The following GINS2 variants were observed in gnomAD, a reference collection of about 807,000 sequenced individuals.
The protein encoded by GINS2 is GINS complex subunit 2, also known as DNA replication complex GINS protein PSF2.
In GINS2, 23 loss-of-function variants were observed where a neutral mutation model predicts 21.2. The observed-to-expected ratio is 1.08, with a 90% CI of 0.78 to 1.53. The LOEUF (loss-of-function observed/expected upper bound fraction) is 1.53, where lower values mean the gene tolerates loss of function less well. GINS2 is among the 40% of genes most tolerant of loss of function. The pLI, the probability that GINS2 is intolerant of heterozygous loss-of-function variation, is 0.00. For missense variants in GINS2, 323 were observed against 233.9 expected (o/e 1.38, Z -2.49); for synonymous variants, 118 against 85.6 (o/e 1.38, Z -2.09).
chr16:85,684,837 G>T (rs2053761495), intron 2 of GINS2, among the ~76,000 whole-genome samples: 1 of 151,520 alleles, frequency 6.6e-6, no homozygotes, highest in Non-Finnish European at 1.5e-5. Flanking sequence ...TCCCAGGCTG[G>T]AGTACAGTGG....
intron 3 of GINS2, 150 bp from the exon 4 acceptor site, chr16:85,678,816 T>A (rs2053708621): frequency 1.3e-6 from 1 of 742,530 alleles, no homozygotes; most frequent in Non-Finnish European, 2.2e-6. Context: ...GTGTAAAGAT[T>A]TGTAGCAGTT....
At position 85,676,302 on chromosome 16, in the gene GINS2, G is replaced by C. The variant is rs917207284; in HGVS notation, c.*1910C>G. 3.3e-5 allele frequency: 5 copies of C among 152,228 alleles called. No homozygotes were observed. Among genetic ancestry groups the C allele is most frequent in the African/African-American group, 4.8e-5 (2 of 41,430 alleles). 9.4% of individuals were successfully genotyped at this position (152,228 alleles called of 1,614,324 possible). On this transcript the variant is annotated 3_prime_UTR_variant, in exon 5 of 5. Transcript: ENST00000253462. ...GACGGAGCTGCCTCCACTGGCTCAG[G>C]CTCTAAGAGGAGGGCATTAGGACCC...
intron 3 of GINS2, among the ~76,000 whole-genome samples, chr16:85,680,554 C>G (rs1252363734): frequency 6.6e-6 from 1 of 152,076 alleles, no homozygotes; most frequent in East Asian, 1.9e-4. Flanking sequence ...AGGCATCTCA[C>G]TGGGGACATA....
In GINS2 at chr16:85,681,692, G is replaced by T. The variant is rs766620022; in HGVS notation, c.206-11C>A. The T allele has an allele frequency of 9.2e-6, 14 of 1,513,950 alleles. No individual in the cohort carries two copies. In the East Asian group the frequency reaches 2.7e-4, roughly 29 times the overall value. The allele number at this position is 1,513,950 out of a possible 1,614,324, so 93.8% of individuals were successfully genotyped here. A position where few individuals can be genotyped will look rare whatever the true frequency, so the allele number is the denominator to read the frequency against. On this transcript the variant is annotated splice_polypyrimidine_tract_variant and intron_variant, in intron 2 of 4. Transcript: ENST00000253462. ...TCTTCTCCAACTTTTCTGAAATTTA[G>T]AAGTTAATACATTTTACCATCATTA... is the stretch of plus-strand genomic sequence containing the variant.
intron 2 of GINS2, among the ~76,000 whole-genome samples, chr16:85,686,771 T>A (rs1295711450): frequency 3.9e-5 from 6 of 152,232 alleles, no homozygotes; most frequent in African/African-American, 1.2e-4. Flanking sequence ...ATTCCATTCC[T>A]TTTTATAGCT....
chr16:85,678,675 G>A lies in GINS2; in HGVS notation c.306-9C>T, dbSNP rs763991266. The A allele has an allele frequency of 2.5e-6, 4 of 1,612,822 alleles. No homozygotes were observed. The highest frequency in any genetic ancestry group is 1.7e-5 in the Admixed American group (1 of 59,932). On this transcript the variant is annotated splice_polypyrimidine_tract_variant and intron_variant, in intron 3 of 4. Transcript: ENST00000253462. ...GGATGTTGTCTGAAGCACTAAAGGAGCAAGGGCTAAAGTCAGTCGGGGAAC... is the reference window on the plus strand; with the variant it reads ...GGATGTTGTCTGAAGCACTAAAGGAACAAGGGCTAAAGTCAGTCGGGGAAC...
At chr16:85,682,864 C>T (rs959267700) in intron 2 of GINS2, among the ~76,000 whole-genome samples, 1 of 152,116 alleles carries the variant, frequency 6.6e-6, no homozygotes. Flanking sequence ...ACTACCCATC[C>T]CCAGGGCCCT....
At chr16:85,681,459 G>A (rs1236121970) in intron 3 of GINS2, 123 bp downstream of exon 3, 1 of 634,616 alleles carries the variant, frequency 1.6e-6, no homozygotes, top group African/African-American at 1.9e-5. Flanking sequence ...GAGAAACAGG[G>A]CGGCCAGTGT....
At chr16:85,679,511 C>A (rs1255264608) in intron 3 of GINS2, among the ~76,000 whole-genome samples, 1 of 152,202 alleles carries the variant, frequency 6.6e-6, no homozygotes, top group African/African-American at 2.4e-5. Context: ...ACCACTGGTA[C>A]AAAATTTATG....
chr16:85,685,824 C>G (rs137965519), intron 2 of GINS2, among the ~76,000 whole-genome samples: 95 of 151,894 alleles, frequency 6.3e-4, no homozygotes, highest in Middle Eastern at 6.8e-3. Context: ...GTGGCTGGCT[C>G]AATGAGCTCT....
intron 2 of GINS2, among the ~76,000 whole-genome samples, chr16:85,681,982 C>A (rs933797307): frequency 9.2e-5 from 9 of 97,696 alleles, no homozygotes; most frequent in Admixed American, 9.0e-4. Context: ...TGTTTTTTTT[C>A]TTTTTTAGGG....
At chr16:85,685,784 C>G (rs1241293496) in intron 2 of GINS2, among the ~76,000 whole-genome samples, 1 of 151,436 alleles carries the variant, frequency 6.6e-6, no homozygotes, top group African/African-American at 2.4e-5. Flanking sequence ...GGGGAAGACA[C>G]TAAGCAGTCT....
chr16:85,685,945 G>T (rs1598762782), intron 2 of GINS2, among the ~76,000 whole-genome samples: 1 of 151,338 alleles, frequency 6.6e-6, no homozygotes, highest in East Asian at 1.9e-4. Flanking sequence ...AATCACTCAG[G>T]GTCTTTTCAA....
intron 2 of GINS2, among the ~76,000 whole-genome samples, chr16:85,684,266 G>A (rs1013022132): frequency 6.6e-6 from 1 of 152,166 alleles, no homozygotes; most frequent in Non-Finnish European, 1.5e-5. Context: ...CCCAGGAGGT[G>A]GAGGTTGCAG....
intron 2 of GINS2, among the ~76,000 whole-genome samples, chr16:85,683,708 C>CCTA (rs2053752564): frequency 6.6e-6 from 1 of 152,266 alleles, no homozygotes; most frequent in African/African-American, 2.4e-5. Flanking sequence ...ACTCTCAGTG[C>CCTA]TTGCCTGGAT....
intron 3 of GINS2, 48 bp downstream of exon 3, chr16:85,681,534 G>T: frequency 9.2e-7 from 1 of 1,090,940 alleles, no homozygotes; most frequent in Non-Finnish European, 1.4e-6. Flanking sequence ...GGAAGGGCAT[G>T]GCGAGTCCAG....
rs531363824 is a variant in GINS2, at chr16:85,680,004, G to A, written c.306-1338C>T. On this transcript the variant is annotated intron_variant, in intron 3 of 4. Transcript: ENST00000253462. ...CTGCCTCACTGCCCTCTCCCCTACC[G>A]TCCACCTCCTACAAGTCTGCACTCC... 4.6e-5 allele frequency among the ~76,000 whole-genome samples: 7 copies of A among 152,108 alleles called. No homozygotes were observed. In the East Asian group the frequency reaches 9.7e-4, roughly 21 times the overall value.
At chr16:85,684,282 C>T (rs2053757532) in intron 2 of GINS2, among the ~76,000 whole-genome samples, 1 of 151,716 alleles carries the variant, frequency 6.6e-6, no homozygotes, top group Non-Finnish European at 1.5e-5. Context: ...TGCAGTGAGC[C>T]ATGATCACGC....
chr16:85,688,790 C>A lies in GINS2; in HGVS notation c.90+19G>T, dbSNP rs1377872029. The A allele has an allele frequency of 6.8e-7, 1 of 1,467,036 alleles. No individual in the cohort carries two copies. The highest frequency in any genetic ancestry group is 1.3e-5 in the South Asian group (1 of 77,774). 90.9% of individuals were successfully genotyped at this position (1,467,036 alleles called of 1,614,324 possible). On this transcript the variant is annotated intron_variant, in intron 1 of 4. Transcript: ENST00000253462. ...CGCCCAGCCCGGCCTCCCCTCCCCACGGCGGGCCCAGGCCTCACCCCGATG... is the reference window on the plus strand; with the variant it reads ...CGCCCAGCCCGGCCTCCCCTCCCCAAGGCGGGCCCAGGCCTCACCCCGATG...
Sources: gnomAD v4.1 joint callset for allele counts (sites outside exome capture counted in the v4.1 genomes callset) on GRCh38, gnomAD v4.1.1 for gene constraint, MANE v1.5 for transcripts, NCBI Gene and HGNC (gene_info 2026-07-23, HGNC 2026-07-21) for gene names.